LRSAM1: variants seen among roughly 807,000 people sequenced by gnomAD.
LRSAM1 encodes leucine rich repeat and sterile alpha motif containing 1, also known as E3 ubiquitin-protein ligase LRSAM1.
Under a neutral mutation model 118.1 loss-of-function variants are expected in LRSAM1, and 96 were observed. The ratio of observed to expected loss-of-function variants is 0.81; its 90% CI spans 0.69 to 0.96. LRSAM1 has a LOEUF of 0.96. Among genes scored for constraint, LRSAM1 ranks in the 40% least tolerant of loss-of-function variants. The pLI, the probability that LRSAM1 is intolerant of heterozygous loss-of-function variation, is 0.00. For missense variants in LRSAM1, 804 were observed against 915.5 expected (o/e 0.88, Z 1.57); for synonymous variants, 322 against 364.2 (o/e 0.88, Z 1.32).
At chr9:127,493,510 G>A (rs1057205960) in intron 21 of LRSAM1, among the ~76,000 whole-genome samples, 2 of 152,128 alleles carry the variant, frequency 1.3e-5, no homozygotes, top group Non-Finnish European at 2.9e-5. Flanking sequence ...ACTATTCCTT[G>A]ACGTCCTTTC....
chr9:127,487,626 G>C, intron 17 of LRSAM1, 50 bp from the exon 18 acceptor site: 3 of 1,559,884 alleles, frequency 1.9e-6, no homozygotes, highest in Non-Finnish European at 2.6e-6. Context: ...CACATAGTAG[G>C]TGCTCGGGAA....
chr9:127,489,422 G>GCA (rs771400112), intron 18 of LRSAM1, 22 bp from the exon 19 acceptor site: 12 of 1,598,692 alleles, frequency 7.5e-6, no homozygotes, highest in Non-Finnish European at 1.0e-5. Flanking sequence ...CCCCTGCTGA[G>GCA]GGCTGGTGGT....
rs1427521415 is a variant in LRSAM1 at position 127,496,088 on chromosome 9, T to C, written c.1823T>C (p.Leu608Pro). The C allele has an allele frequency of 1.9e-6, 3 of 1,609,728 alleles. No individual in the cohort carries two copies. Among genetic ancestry groups the C allele is most frequent in the African/African-American group, 1.3e-5 (1 of 75,064 alleles). ...CTGAGCCAAATGAGCCCAGGGGACC[T>C]GGCCAAGGTGGGCAGCAGCCGTCTG... ...DLLSQMSPGD[L>P]AKVGVSEAGL... The change falls in exon 23 of 26, where the codon CTG (leucine) becomes CCG (proline). Residue 608 changes from leucine (L) to proline (P), a missense_variant. By Grantham distance (98) the Leu-to-Pro change is moderately conservative. Transcript: ENST00000300417.
At chr9:127,468,108 G>A (rs191106111) in intron 10 of LRSAM1, among the ~76,000 whole-genome samples, 1 of 152,308 alleles carries the variant, frequency 6.6e-6, no homozygotes, top group Admixed American at 6.5e-5. Flanking sequence ...ACGGAGTCAT[G>A]GTTAAGATCT....
At chr9:127,475,739 T>C (rs1321454351) in intron 11 of LRSAM1, among the ~76,000 whole-genome samples, 1 of 151,376 alleles carries the variant, frequency 6.6e-6, no homozygotes, top group Non-Finnish European at 1.5e-5. Flanking sequence ...AAAGATTTTA[T>C]TATTTTTTTA....
At chr9:127,477,528 T>C (rs1379578630) in intron 11 of LRSAM1, among the ~76,000 whole-genome samples, 13 of 150,234 alleles carry the variant, frequency 8.7e-5, no homozygotes, top group Non-Finnish European at 5.9e-5. Context: ...GTCGGGTGGA[T>C]GCTTGAGCTC....
chr9:127,466,028 G>A (rs1401394111), intron 9 of LRSAM1, among the ~76,000 whole-genome samples: 2 of 152,142 alleles, frequency 1.3e-5, no homozygotes, highest in African/African-American at 4.8e-5. Context: ...AAACATTTCT[G>A]CCAGGCACAG....
At chr9:127,455,733 T>C (rs748618591) in intron 5 of LRSAM1, 113 bp downstream of exon 5, 1 of 1,007,694 alleles carries the variant, frequency 9.9e-7, no homozygotes, top group Non-Finnish European at 1.6e-6. Context: ...TTCTCTCTGC[T>C]TCTTATGCTC....
rs1448732664 is a variant in LRSAM1, at chr9:127,479,457, TCAGCAGAG to T, written c.862_869del (p.Ser288ProfsTer4). On this transcript the variant is annotated frameshift_variant, in exon 13 of 26. Coordinates refer to ENST00000300417, the MANE Select transcript of LRSAM1 (RefSeq NM_001005373.4). LOFTEE classifies it high-confidence loss of function. ...GGCAGCGGGAGCACACCCAGCTCCT[TCAGCAGAG>T]CAGCAGCCAGAAGGATGAGATCCTT... The T allele has an allele frequency of 6.2e-7, 1 of 1,614,046 alleles. No homozygotes were observed. Among genetic ancestry groups the T allele is most frequent in the East Asian group, 2.2e-5 (1 of 44,868 alleles).
Position 127,479,996 on chromosome 9 carries a change from G to GGCCCCA in LRSAM1, c.1043+26_1043+31dup. The GGCCCCA allele has an allele frequency of 6.2e-7, 1 of 1,614,122 alleles. No homozygotes were observed. On this transcript the variant is annotated intron_variant, in intron 14 of 25. Coordinates refer to ENST00000300417, the MANE Select transcript of LRSAM1 (RefSeq NM_001005373.4). ...AATCAGAGGTTGGGCTCTGCTCCTC[G>GGCCCCA]GCCCCAGCCCCAGAGTCCTTCCCCG... is the stretch of plus-strand genomic sequence containing the variant.
chr9:127,473,627 A>G (rs1835251428), intron 10 of LRSAM1, among the ~76,000 whole-genome samples, 174 bp from the exon 11 acceptor site: 1 of 152,206 alleles, frequency 6.6e-6, no homozygotes, highest in African/African-American at 2.4e-5. Context: ...AGCACCTGCC[A>G]CATTCCAGGC....
At position 127,497,377 on chromosome 9, in the gene LRSAM1, G is replaced by A. The variant is rs3802358; in HGVS notation, c.1912+43G>A. ...GCCTCTTCCAGGCAGGGCTCCAGCC[G>A]TATGTGTGGGCTCTGGTGGGGACAG... On this transcript the variant is annotated intron_variant, in intron 24 of 25. Coordinates refer to ENST00000300417, the MANE Select transcript of LRSAM1 (RefSeq NM_001005373.4). 0.12 allele frequency: 184,655 copies of A among 1,570,960 alleles called. 14,402 individuals carry two copies. Among genetic ancestry groups the A allele is most frequent in the Admixed American group, 0.39 (23,250 of 59,736 alleles).
At chr9:127,451,767 C>T (rs1042999507) in intron 1 of LRSAM1, 98 bp downstream of exon 1, 13 of 184,008 alleles carry the variant, frequency 7.1e-5, no homozygotes, top group African/African-American at 2.6e-4. Context: ...CCGCGGCGAC[C>T]CCTGCTCCCT....
chr9:127,467,463 T>C (rs1406871769), intron 9 of LRSAM1, among the ~76,000 whole-genome samples: 1 of 152,150 alleles, frequency 6.6e-6, no homozygotes, highest in Non-Finnish European at 1.5e-5. Context: ...GGAAGGGGGC[T>C]GCAGGTGAAG....
chr9:127,467,524 C>A (rs1279150123), intron 9 of LRSAM1, among the ~76,000 whole-genome samples: 2 of 152,184 alleles, frequency 1.3e-5, no homozygotes, highest in African/African-American at 2.4e-5. Context: ...GAGAGTCACT[C>A]AGGTTAAAAC....
rs1835524969 is a variant in LRSAM1, at chr9:127,481,222, T to C, written c.1083T>C (p.Asn361=). Residue 361 remains asparagine, a synonymous_variant, in exon 15 of 26, where the codon AAT becomes AAC. Transcript: ENST00000300417. ...CCGAGATTTTGAAATCGCTGGAAAA[T>C]GAAAGGTAAGTGTTCTTCCAGGGGA... is the stretch of plus-strand genomic sequence containing the variant. ...KSSEILKSLE[N]ERIRMEQLMS... is the part of the protein sequence containing the mutation. 3 of 1,610,408 alleles carry C rather than the reference T, an allele frequency of 1.9e-6. No individual in the cohort carries two copies. The highest frequency in any genetic ancestry group is 8.5e-7 in the Non-Finnish European group (1 of 1,179,360).
Position 127,467,751 on chromosome 9 carries a change from T to C in LRSAM1, c.540T>C (p.Leu180=). 1 of 1,610,444 alleles carries C rather than the reference T, an allele frequency of 6.2e-7. No individual in the cohort carries two copies. Among genetic ancestry groups the C allele is most frequent in the Non-Finnish European group, 8.5e-7 (1 of 1,178,844 alleles). The change falls in exon 10 of 26, where the codon CTT becomes CTC. Residue 180 remains leucine (L), a synonymous_variant. Transcript: ENST00000300417. ...AHVRTLEMLS[L]DASAMVYPPR... is the part of the protein sequence containing the mutation. ...CCTTGTGTCTGCAGATGCTGAGCCT[T>C]GACGCCTCGGCCATGGTCTACCCGC...
At chr9:127,466,505 T>TATATATATATATATATA (rs61032058) in intron 9 of LRSAM1, among the ~76,000 whole-genome samples, 28 of 18,960 alleles carry the variant, frequency 1.5e-3, no homozygotes, top group East Asian at 2.7e-3. Flanking sequence ...TATATATATA[T>TATATATATATATATATA]TTTTTTTTTT....
intron 16 of LRSAM1, among the ~76,000 whole-genome samples, chr9:127,485,159 A>T (rs1835683993): frequency 6.6e-6 from 1 of 152,202 alleles, no homozygotes; most frequent in African/African-American, 2.4e-5. Flanking sequence ...AGAAGAATAT[A>T]TATCAAAATG....
Sources: gnomAD v4.1 joint callset for allele counts (sites outside exome capture counted in the v4.1 genomes callset) on GRCh38, gnomAD v4.1.1 for gene constraint, MANE v1.5 for transcripts, NCBI Gene and HGNC (gene_info 2026-07-23, HGNC 2026-07-21) for gene names.